Variants in PSAT1 observed in about 807,000 individuals in gnomAD.
PSAT1 encodes phosphoserine aminotransferase 1, also known as phosphoserine aminotransferase.
A neutral mutation model predicts 40.3 loss-of-function variants in PSAT1; 41 were observed. That is an observed-to-expected ratio of 1.02 (90% CI 0.79 to 1.32). The LOEUF is 1.32. Among genes scored for constraint, PSAT1 ranks in the 40% most tolerant of loss-of-function variants. The probability of loss-of-function intolerance (pLI) is 0.00; values close to 1 mark genes in which losing one functional copy is unlikely to be tolerated. For synonymous variants in PSAT1, 147 were observed against 170.5 expected, an observed-to-expected ratio of 0.86 and a Z score of 1.07; for missense variants, 406 against 455.8, an observed-to-expected ratio of 0.89 and a Z score of 0.99.
chr9:78,317,981 G>T (rs1828374119), intron 7 of PSAT1, among the ~76,000 whole-genome samples, 177 bp downstream of exon 7: 2 of 152,060 alleles, frequency 1.3e-5, no homozygotes, highest in Admixed American at 6.6e-5. Context: ...CTTCCCTCCT[G>T]TACCTCACCC....
chr9:78,304,985 G>A (rs779610586), intron 4 of PSAT1, 45 bp downstream of exon 4: 18 of 1,567,630 alleles, frequency 1.1e-5, no homozygotes, highest in Non-Finnish European at 1.4e-5. Flanking sequence ...CTCAATGGTG[G>A]GTTACCCCGA....
rs1828094431 is a variant in PSAT1, at chr9:78,300,657, T to C, written c.116T>C (p.Val39Ala). 1 of 1,607,612 alleles carries C rather than the reference T, an allele frequency of 6.2e-7. No individual in the cohort carries two copies. Among genetic ancestry groups the C allele is most frequent in the African/African-American group, 1.3e-5 (1 of 74,520 alleles). Reference sequence around the variant, plus strand: ...GACTACAAAGGAGTTGGCATTAGTGTTCTTGGTAAGATTTACTTTTGAATT... The same window carrying C: ...GACTACAAAGGAGTTGGCATTAGTGCTCTTGGTAAGATTTACTTTTGAATT... ...LLDYKGVGIS[V>A]LEMSHRSSDF... Residue 39 changes from valine to alanine, a missense_variant, in exon 2 of 9, where the codon GTT becomes GCT. Coordinates refer to ENST00000376588, the MANE Select transcript of PSAT1 (RefSeq NM_058179.4).
chr9:78,327,048 C>T (rs555333416), intron 7 of PSAT1, among the ~76,000 whole-genome samples: 60 of 148,754 alleles, frequency 4.0e-4, no homozygotes, highest in Non-Finnish European at 7.1e-4. Context: ...CTCCACCTCC[C>T]GAGTTCAAGC....
chr9:78,306,526 C>T (rs920249829), intron 5 of PSAT1, 40 bp downstream of exon 5: 17 of 1,610,976 alleles, frequency 1.1e-5, no homozygotes, highest in African/African-American at 4.0e-5. Context: ...CCCACTGACT[C>T]GGTGTCTGCA....
At chr9:78,312,243 A>G (rs953275027) in intron 6 of PSAT1, among the ~76,000 whole-genome samples, 1 of 152,174 alleles carries the variant, frequency 6.6e-6, no homozygotes, top group Non-Finnish European at 1.5e-5. Flanking sequence ...GCATAGAGAA[A>G]AAGATCCCTA....
At chr9:78,310,576 G>A (rs1828251420) in intron 6 of PSAT1, among the ~76,000 whole-genome samples, 1 of 151,930 alleles carries the variant, frequency 6.6e-6, no homozygotes, top group African/African-American at 2.4e-5. Context: ...TGCTGCTTAG[G>A]GAAAATGTCT....
chr9:78,326,204 C>T (rs1270583523), intron 7 of PSAT1, among the ~76,000 whole-genome samples: 1 of 152,110 alleles, frequency 6.6e-6, no homozygotes, highest in Non-Finnish European at 1.5e-5. Flanking sequence ...CCTCAGGGGG[C>T]CTCTCACACT....
intron 7 of PSAT1, among the ~76,000 whole-genome samples, chr9:78,322,789 C>CTT (rs1828448179): frequency 6.6e-6 from 1 of 152,160 alleles, no homozygotes; most frequent in Non-Finnish European, 1.5e-5. Flanking sequence ...AAAGATGCCA[C>CTT]CTTCATTAGT....
chr9:78,327,297 T>C (rs1230224299), intron 7 of PSAT1, among the ~76,000 whole-genome samples: 4 of 152,028 alleles, frequency 2.6e-5, no homozygotes, highest in Non-Finnish European at 5.9e-5. Flanking sequence ...GAGGAGAGGC[T>C]GTAAGGTCTT....
chr9:78,298,182 C>T (rs917602707), intron 1 of PSAT1: 9 of 567,274 alleles, frequency 1.6e-5, no homozygotes, highest in Non-Finnish European at 2.0e-5. Flanking sequence ...CCAAACCCAC[C>T]GTCCCCAGCC....
chr9:78,297,172 G>A lies in PSAT1; in HGVS notation c.-39G>A, dbSNP rs1357896938. The stretch of plus-strand genomic sequence containing the variant: ...AGGAACGCCAGCCGTTCACGCGTTC[G>A]GTCCTCCTTGGCTGACTCACCGCCC... On this transcript the variant is annotated 5_prime_UTR_variant, in exon 1 of 9. Coordinates refer to ENST00000376588, the MANE Select transcript of PSAT1 (RefSeq NM_058179.4). 4.4e-6 allele frequency: 7 copies of A among 1,578,282 alleles called. No homozygotes were observed. The highest frequency in any genetic ancestry group is 6.0e-6 in the Non-Finnish European group (7 of 1,165,798).
At chr9:78,306,224 G>T (rs1182985475) in intron 4 of PSAT1, 90 bp from the exon 5 acceptor site, 5 of 1,381,738 alleles carry the variant, frequency 3.6e-6, no homozygotes, top group East Asian at 2.3e-5. Flanking sequence ...CCTGCTAGGG[G>T]AGGCCTGTCA....
At chr9:78,310,935 T>C (rs1004456097) in intron 6 of PSAT1, among the ~76,000 whole-genome samples, 6 of 152,130 alleles carry the variant, frequency 3.9e-5, no homozygotes, top group Non-Finnish European at 7.4e-5. Flanking sequence ...CTGGTGAAAA[T>C]TCTGCTGGGT....
rs146363919 is a variant in PSAT1 at position 78,299,554 on chromosome 9, C to T, written c.61-1048C>T. On this transcript the variant is annotated intron_variant, in intron 1 of 8. Coordinates refer to ENST00000376588, the MANE Select transcript of PSAT1 (RefSeq NM_058179.4). ...TTTTGAGAGAAGTCAAGCTCTGTCA[C>T]GAGGCTGGAGTGCAGTCGCTTGGTC... 5.3e-3 allele frequency among the ~76,000 whole-genome samples: 683 copies of T among 127,916 alleles called. 9 individuals are homozygous for T. The highest frequency in any genetic ancestry group is 0.019 in the African/African-American group (645 of 34,528). 83.9% of individuals were successfully genotyped at this position (127,916 alleles called of 152,430 possible). A position where few individuals can be genotyped will look rare whatever the true frequency, so the allele number is the denominator to read the frequency against.
At chr9:78,322,812 G>T (rs1828448408) in intron 7 of PSAT1, among the ~76,000 whole-genome samples, 1 of 152,204 alleles carries the variant, frequency 6.6e-6, no homozygotes, top group South Asian at 2.1e-4. Flanking sequence ...CTTAGGAAAT[G>T]CAGATTAAAC....
intron 6 of PSAT1, among the ~76,000 whole-genome samples, chr9:78,309,626 G>A (rs1828237854): frequency 6.6e-6 from 1 of 152,218 alleles, no homozygotes; most frequent in South Asian, 2.1e-4. Flanking sequence ...GCCTTCTAAA[G>A]CGTTGGGATT....
At chr9:78,317,873 T>A (rs7028509) in intron 7 of PSAT1, 69 bp downstream of exon 7, 94 of 1,530,490 alleles carry the variant, frequency 6.1e-5, no homozygotes, top group African/African-American at 4.9e-4. Flanking sequence ...ACTGTGTACC[T>A]TTGAAAAGTG....
At chr9:78,325,902 G>C (rs1828491319) in intron 7 of PSAT1, among the ~76,000 whole-genome samples, 1 of 152,194 alleles carries the variant, frequency 6.6e-6, no homozygotes, top group African/African-American at 2.4e-5. Flanking sequence ...AAATACGGAT[G>C]CTTAATTCTT....
chr9:78,300,472 G>C, intron 1 of PSAT1, 130 bp from the exon 2 acceptor site: 1 of 1,173,040 alleles, frequency 8.5e-7, no homozygotes, highest in Non-Finnish European at 1.1e-6. Flanking sequence ...GAGACTGGCT[G>C]TGGGTGGGGA....
Sources: allele counts gnomAD v4.1 joint callset (sites outside exome capture counted in the v4.1 genomes callset), GRCh38; gene constraint gnomAD v4.1.1; transcripts MANE v1.5; gene names NCBI Gene and HGNC (gene_info 2026-07-23, HGNC 2026-07-21).